XIST: variants seen among roughly 807,000 people sequenced by gnomAD.
The protein encoded by XIST is X inactive specific transcript, also known as X inactive specific transcript (non-protein coding).
At chrX:73,843,552 A>G (rs1474343718) in exon 1 of XIST, 1 of 559,091 alleles carries the variant, frequency 1.8e-6, no homozygotes, top group Non-Finnish European at 3.2e-6. Context: ...TGCAAGGGGA[A>G]TATGTGGAGA....
At chrX:73,826,683 C>G in exon 6 of XIST, 1 of 559,107 alleles carries the variant, frequency 1.8e-6, no homozygotes, top group South Asian at 2.2e-5. Context: ...AGCTTCTATC[C>G]TTCCTGGGTT....
chrX:73,839,989 A>C lies in XIST; in HGVS notation n.11342+1393T>G, dbSNP rs1320628941. On this transcript the variant is annotated intron_variant and non_coding_transcript_variant, in intron 1 of 5. Coordinates refer to ENST00000429829, the Ensembl canonical transcript of XIST. Reference sequence around the variant, plus strand: ...CATAAGCATAGACCAGGGTTTCTCAAATTGGGGTGATAACCCTGGGGATTT... The same window carrying C: ...CATAAGCATAGACCAGGGTTTCTCACATTGGGGTGATAACCCTGGGGATTT... 2.7e-5 allele frequency among the ~76,000 whole-genome samples: 3 copies of C among 111,244 alleles called. No individual in the cohort carries two copies. In the Admixed American group the frequency reaches 2.9e-4, roughly 11 times the overall value.
At chrX:73,824,904 T>G (rs1279835127) in exon 6 of XIST, 2 of 551,246 alleles carry the variant, frequency 3.6e-6, no homozygotes, top group Admixed American at 4.5e-5. Context: ...TTCCTCTTAT[T>G]ACATAGGAGA....
chrX:73,852,303 A>C (rs1383964531), exon 1 of XIST: 2 of 539,975 alleles, frequency 3.7e-6, no homozygotes, highest in Admixed American at 2.5e-5. Flanking sequence ...GGCGAATAAA[A>C]AAGAATTAAA....
At chrX:73,822,607 T>G in exon 6 of XIST, 1 of 514,082 alleles carries the variant, frequency 1.9e-6, no homozygotes, top group East Asian at 3.6e-5. Flanking sequence ...TTTTTTTTGT[T>G]TTCTGTTTAG....
At chrX:73,849,126 G>A (rs767952622) in exon 1 of XIST, 10 of 557,615 alleles carry the variant, frequency 1.8e-5, no homozygotes, top group Non-Finnish European at 3.2e-5. Context: ...GCTGCCTCAA[G>A]GCAAATGCAA....
chrX:73,847,125 A>C, exon 1 of XIST: 1 of 559,351 alleles, frequency 1.8e-6, no homozygotes, highest in Non-Finnish European at 3.2e-6. Context: ...GCTGGGATGT[A>C]AATACAGTGG....
At chrX:73,837,184 C>A (rs954790848) in intron 2 of XIST, among the ~76,000 whole-genome samples, 38 of 111,347 alleles carry the variant, frequency 3.4e-4, no homozygotes, top group African/African-American at 1.2e-3. Context: ...AGAAACCTGA[C>A]AAATAGTACC....
chrX:73,838,522 T>C (rs943369544), intron 1 of XIST, among the ~76,000 whole-genome samples: 10 of 111,369 alleles, frequency 9.0e-5, no homozygotes, highest in Non-Finnish European at 1.9e-4. Context: ...TTATTTCTAA[T>C]ATAAACATCA....
exon 6 of XIST, chrX:73,826,507 T>C: frequency 1.8e-6 from 1 of 559,138 alleles, no homozygotes; most frequent in South Asian, 2.2e-5. Flanking sequence ...GGCCCAGGCA[T>C]AATACTGTCA....
intron 3 of XIST, among the ~76,000 whole-genome samples, chrX:73,832,000 G>A (rs781144484): frequency 8.9e-5 from 10 of 111,936 alleles, no homozygotes; most frequent in East Asian, 8.4e-4. Flanking sequence ...TAGGATATTC[G>A]GAGAAACCAA....
At chrX:73,851,834 C>A (rs1569512937) in exon 1 of XIST, 1 of 558,826 alleles carries the variant, frequency 1.8e-6, no homozygotes, top group East Asian at 3.2e-5. Context: ...GGCCACTTTT[C>A]CTCCACAATC....
chrX:73,827,733 C>T (rs1458670856), exon 6 of XIST: 1 of 548,878 alleles, frequency 1.8e-6, no homozygotes. Context: ...CAGCATGTGA[C>T]CCAAAAAGGA....
At chrX:73,829,281 C>A (rs754529959) in intron 4 of XIST, 1 of 526,342 alleles carries the variant, frequency 1.9e-6, no homozygotes, top group Non-Finnish European at 3.4e-6. Flanking sequence ...ATATTGAGTA[C>A]TGTGCTAGAG....
chrX:73,826,918 A>G (rs1922267911), exon 6 of XIST: 1 of 556,487 alleles, frequency 1.8e-6, no homozygotes. Flanking sequence ...TTCTAACTCA[A>G]GCCTTGAGAC....
chrX:73,821,247 A>G (rs202164730), exon 6 of XIST: 39 of 555,354 alleles, frequency 7.0e-5, no homozygotes, highest in Non-Finnish European at 1.2e-4. Context: ...CCCTCCACCA[A>G]TCATACTTTG....
chrX:73,851,883 C>A, exon 1 of XIST: 1 of 558,373 alleles, frequency 1.8e-6, no homozygotes, highest in Non-Finnish European at 3.2e-6. Flanking sequence ...TCATTCTCTG[C>A]CAAAGCGGTA....
exon 6 of XIST, chrX:73,827,595 G>GA (rs760704037): frequency 1.8e-6 from 1 of 544,597 alleles, no homozygotes; most frequent in Non-Finnish European, 3.3e-6. Flanking sequence ...GCCAGACTCA[G>GA]AAAAAAGGTG....
exon 6 of XIST, chrX:73,824,433 AT>A (rs1173773018): frequency 1.8e-6 from 1 of 556,176 alleles, no homozygotes. Flanking sequence ...TAACATAGGT[AT>A]TGCCTTATTT....
Sources: allele counts gnomAD v4.1 joint callset (sites outside exome capture counted in the v4.1 genomes callset), GRCh38; gene constraint gnomAD v4.1.1; transcripts MANE v1.5; gene names NCBI Gene and HGNC (gene_info 2026-07-23, HGNC 2026-07-21).